The following PRKCA variants were observed in gnomAD, a reference collection of about 807,000 sequenced individuals.
PRKCA encodes the protein protein kinase C alpha type.
PRKCA carries 27 observed loss-of-function variants against 87.0 expected under a neutral mutation model. The observed-to-expected ratio is 0.31, with a 90% CI of 0.23 to 0.43. PRKCA has a LOEUF of 0.43. PRKCA is among the 20% of genes least tolerant of loss of function. PRKCA has a pLI of 1.00. For missense variants in PRKCA, 518 were observed against 852.3 expected, an observed-to-expected ratio of 0.61 and a Z score of 4.88; for synonymous variants, 329 against 311.1, an observed-to-expected ratio of 1.06 and a Z score of -0.61.
At chr17:66,714,666 A>T (rs1485737638) in intron 8 of PRKCA, among the ~76,000 whole-genome samples, 1 of 152,232 alleles carries the variant, frequency 6.6e-6, no homozygotes, top group Non-Finnish European at 1.5e-5. Flanking sequence ...CCACTGCAGG[A>T]TGGCGAGGCT....
chr17:66,381,634 T>G (rs1909780785), intron 2 of PRKCA, among the ~76,000 whole-genome samples: 1 of 152,178 alleles, frequency 6.6e-6, no homozygotes, highest in South Asian at 2.1e-4. Context: ...ATGAATGTAC[T>G]TATGTAGCAT....
chr17:66,747,957 T>C (rs1289706034), intron 13 of PRKCA, among the ~76,000 whole-genome samples: 2 of 152,170 alleles, frequency 1.3e-5, no homozygotes, highest in African/African-American at 4.8e-5. Context: ...AGAGGAGAGC[T>C]GGGAGGAGGG....
intron 3 of PRKCA, among the ~76,000 whole-genome samples, chr17:66,608,104 T>C (rs1970259318): frequency 6.6e-6 from 1 of 152,086 alleles, no homozygotes; most frequent in African/African-American, 2.4e-5. Flanking sequence ...AGCACACCGA[T>C]TGGAGCACAC....
chr17:66,561,345 C>T (rs1968672965), intron 3 of PRKCA, among the ~76,000 whole-genome samples: 1 of 152,152 alleles, frequency 6.6e-6, no homozygotes. Context: ...AACTAGAGTG[C>T]AGCTCGATGC....
intron 5 of PRKCA, among the ~76,000 whole-genome samples, chr17:66,662,398 A>C (rs1971931081): frequency 6.6e-6 from 1 of 152,162 alleles, no homozygotes; most frequent in South Asian, 2.1e-4. Flanking sequence ...CAATTCAGTG[A>C]TGGCTTTAGC....
chr17:66,609,721 C>G (rs1416324766), intron 3 of PRKCA, among the ~76,000 whole-genome samples: 1 of 151,852 alleles, frequency 6.6e-6, no homozygotes, highest in Non-Finnish European at 1.5e-5. Flanking sequence ...CAAATACCAC[C>G]TAATTGAGAC....
intron 14 of PRKCA, among the ~76,000 whole-genome samples, chr17:66,781,891 T>TATATA (rs1568030798): frequency 0.021 from 2,873 of 134,130 alleles, 31 homozygotes; most frequent in East Asian, 0.06. Flanking sequence ...ATATATAGTG[T>TATATA]GTGTGTGTGT....
chr17:66,556,542 G>C (rs1319879745), intron 3 of PRKCA, among the ~76,000 whole-genome samples: 1 of 152,112 alleles, frequency 6.6e-6, no homozygotes, highest in East Asian at 1.9e-4. Flanking sequence ...AATGTGGAGA[G>C]GGTATGCTAT....
intron 2 of PRKCA, among the ~76,000 whole-genome samples, chr17:66,375,325 A>G (rs1909361370): frequency 6.6e-6 from 1 of 152,196 alleles, no homozygotes; most frequent in African/African-American, 2.4e-5. Context: ...TGGTCTCAGA[A>G]GACTTAAGGG....
chr17:66,352,244 A>G (rs537121955), intron 2 of PRKCA, among the ~76,000 whole-genome samples: 1 of 152,188 alleles, frequency 6.6e-6, no homozygotes, highest in South Asian at 2.1e-4. Flanking sequence ...TCCGGACAGT[A>G]CCCTATTTCC....
chr17:66,565,268 G>A (rs1598774541), intron 3 of PRKCA, among the ~76,000 whole-genome samples: 1 of 152,102 alleles, frequency 6.6e-6, no homozygotes, highest in African/African-American at 2.4e-5. Flanking sequence ...TGCAGTTTTG[G>A]GATTCTTGTC....
At chr17:66,490,168 CTTCCTA>C (rs1916175018) in intron 2 of PRKCA, among the ~76,000 whole-genome samples, 1 of 152,264 alleles carries the variant, frequency 6.6e-6, no homozygotes, top group East Asian at 1.9e-4. Context: ...CTTACTGCCT[CTTCCTA>C]TTCCTCTTAT....
intron 8 of PRKCA, among the ~76,000 whole-genome samples, chr17:66,728,974 T>C (rs1339681324): frequency 6.6e-6 from 1 of 152,274 alleles, no homozygotes; most frequent in Non-Finnish European, 1.5e-5. Context: ...TGTTTTCAGA[T>C]GTTATTGTGA....
chr17:66,769,617 A>G lies in PRKCA; in HGVS notation c.1525-4370A>G, dbSNP rs755703824. 7.9e-5 allele frequency among the ~76,000 whole-genome samples: 12 copies of G among 152,184 alleles called. 1 individual carries two copies. The highest frequency in any genetic ancestry group is 2.2e-4 in the African/African-American group (9 of 41,452). ...TTGGGGAAAGCCACATTTCCCACCT[A>G]GCATCACAGAGTGTGTTTTTCTTTA... On this transcript the variant is annotated intron_variant, in intron 13 of 16. Transcript: ENST00000413366.
chr17:66,722,724 G>A (rs1333267073), intron 8 of PRKCA, among the ~76,000 whole-genome samples: 2 of 152,152 alleles, frequency 1.3e-5, no homozygotes, highest in Non-Finnish European at 2.9e-5. Flanking sequence ...GCATCACAAT[G>A]CCAAACTTGA....
rs137919958 is a variant in PRKCA at position 66,429,328 on chromosome 17, C to T, written c.206-66873C>T. ...CTTTAATATCGTTGGGTTTCATGAA[C>T]GTAATACATGTGTCTGAATGCATAC... On this transcript the variant is annotated intron_variant, in intron 2 of 16. Transcript: ENST00000413366. Among the ~76,000 whole-genome samples, 90 of 152,232 alleles carry T rather than the reference C, an allele frequency of 5.9e-4. 1 individual carries two copies. Among genetic ancestry groups the T allele is most frequent in the African/African-American group, 2.0e-3 (82 of 41,514 alleles).
intron 2 of PRKCA, among the ~76,000 whole-genome samples, chr17:66,448,713 CA>C (rs939732585): frequency 6.6e-6 from 1 of 151,388 alleles, no homozygotes; most frequent in Non-Finnish European, 1.5e-5. Context: ...TACACCAAAC[CA>C]AAAAAAATTC....
At chr17:66,359,017 G>A (rs902186328) in intron 2 of PRKCA, among the ~76,000 whole-genome samples, 11 of 149,764 alleles carry the variant, frequency 7.3e-5, no homozygotes, top group South Asian at 4.2e-4. Context: ...GACTTTCGAC[G>A]TAGTCCTTGT....
intron 3 of PRKCA, among the ~76,000 whole-genome samples, chr17:66,564,380 C>T (rs529139751): frequency 6.6e-6 from 1 of 152,186 alleles, no homozygotes; most frequent in African/African-American, 2.4e-5. Flanking sequence ...TGCCCAGCCT[C>T]TTTTTAATTG....
Sources: allele counts gnomAD v4.1 joint callset (sites outside exome capture counted in the v4.1 genomes callset), GRCh38; gene constraint gnomAD v4.1.1; transcripts MANE v1.5; gene names NCBI Gene and HGNC (gene_info 2026-07-23, HGNC 2026-07-21).